Variants in FBXL20 observed in about 807,000 individuals in gnomAD.
The protein encoded by FBXL20 is F-box/LRR-repeat protein 20.
In FBXL20, 11 loss-of-function variants were observed where a neutral mutation model predicts 64.0. The observed-to-expected ratio is 0.17, with a 90% CI of 0.11 to 0.28. The LOEUF (loss-of-function observed/expected upper bound fraction) is 0.28, where lower values mean the gene tolerates loss of function less well. Ranked by LOEUF, FBXL20 falls within the 10% of genes least tolerant of loss-of-function variation. The pLI is 1.00. For synonymous variants in FBXL20, 184 were observed against 189.0 expected, an observed-to-expected ratio of 0.97 and a Z score of 0.22; for missense variants, 303 against 526.2, an observed-to-expected ratio of 0.58 and a Z score of 4.15.
At chr17:39,367,273 T>C (rs924869093) in intron 1 of FBXL20, among the ~76,000 whole-genome samples, 5 of 152,006 alleles carry the variant, frequency 3.3e-5, no homozygotes, top group Non-Finnish European at 7.4e-5. Context: ...CATTGTAGAA[T>C]TCCTATTAGT....
At chr17:39,376,067 C>T (rs181637386) in intron 1 of FBXL20, among the ~76,000 whole-genome samples, 27 of 152,104 alleles carry the variant, frequency 1.8e-4, no homozygotes, top group Middle Eastern at 3.4e-3. Context: ...TGCAATGAGC[C>T]GTGATTGCAC....
intron 1 of FBXL20, among the ~76,000 whole-genome samples, chr17:39,372,906 T>C (rs1472881583): frequency 6.6e-6 from 1 of 152,144 alleles, no homozygotes; most frequent in Non-Finnish European, 1.5e-5. Context: ...ATTACAGGCG[T>C]GAGCCACTGC....
intron 1 of FBXL20, among the ~76,000 whole-genome samples, chr17:39,375,200 T>C (rs1350815019): frequency 2.0e-5 from 3 of 152,138 alleles, no homozygotes; most frequent in African/African-American, 4.8e-5. Context: ...GGAGAAGACA[T>C]GGCCCAAGTA....
chr17:39,311,611 C>T (rs2047236255), intron 2 of FBXL20, among the ~76,000 whole-genome samples: 1 of 152,088 alleles, frequency 6.6e-6, no homozygotes, highest in South Asian at 2.1e-4. Context: ...ATATATACTT[C>T]CAATCTAGGT....
rs71369744 is a variant in FBXL20 at position 39,343,028 on chromosome 17, A to T, written c.104+152T>A. 2,395 of 474,488 alleles carry T rather than the reference A, an allele frequency of 5.0e-3. 60 individuals carry two copies. Among genetic ancestry groups the T allele is most frequent in the African/African-American group, 0.045 (2,232 of 49,580 alleles). The allele number at this position is 474,488 out of a possible 1,614,324, so 29.4% of individuals were successfully genotyped here. On this transcript the variant is annotated intron_variant, in intron 2 of 14. Transcript: ENST00000264658. The stretch of plus-strand genomic sequence containing the variant: ...GAAATATCTTGATTGACATCTAAAA[A>T]ATGCAGAGTAAGATTGTTCAAAGCA...
At chr17:39,333,288 G>GGCGC (rs1349410250) in intron 2 of FBXL20, among the ~76,000 whole-genome samples, 1 of 151,870 alleles carries the variant, frequency 6.6e-6, no homozygotes, top group Non-Finnish European at 1.5e-5. Flanking sequence ...TGGGATTGCA[G>GGCGC]GCGCGCGCCG....
chr17:39,359,704 G>A (rs1282023162), intron 1 of FBXL20, among the ~76,000 whole-genome samples: 1 of 152,028 alleles, frequency 6.6e-6, no homozygotes, highest in Non-Finnish European at 1.5e-5. Context: ...AATGGAAAAT[G>A]GTGTGGCTGC....
At position 39,253,837 on chromosome 17, in the gene FBXL20, G is replaced by C. The variant is rs984968391; in HGVS notation, c.*7623C>G. ...GAAAGAAAATTATTTGTCCACAGGG[G>C]AAAAAAGTAATCAAATCATGCCAGT... On this transcript the variant is annotated 3_prime_UTR_variant, in exon 15 of 15. Coordinates refer to ENST00000264658, the MANE Select transcript of FBXL20 (RefSeq NM_032875.3). 1 of 151,940 alleles carries C rather than the reference G, an allele frequency of 6.6e-6. No individual in the cohort carries two copies. Among genetic ancestry groups the C allele is most frequent in the African/African-American group, 2.4e-5 (1 of 41,436 alleles). 9.4% of individuals were successfully genotyped at this position (151,940 alleles called of 1,614,324 possible).
chr17:39,366,995 G>C (rs924836602), intron 1 of FBXL20, among the ~76,000 whole-genome samples: 3 of 150,756 alleles, frequency 2.0e-5, no homozygotes, highest in African/African-American at 7.3e-5. Context: ...CTATTCTGCT[G>C]CCTCAGCCTC....
At chr17:39,363,846 C>CAAAAAAAAAA (rs2047828545) in intron 1 of FBXL20, among the ~76,000 whole-genome samples, 3 of 70,708 alleles carry the variant, frequency 4.2e-5, no homozygotes, top group East Asian at 9.8e-4. Context: ...AAAAAAAAAA[C>CAAAAAAAAAA]AATAAAAAGT....
chr17:39,378,752 G>A (rs1597830428), intron 1 of FBXL20, among the ~76,000 whole-genome samples: 1 of 151,584 alleles, frequency 6.6e-6, no homozygotes, highest in Admixed American at 6.6e-5. Flanking sequence ...TGGGATTACA[G>A]GCGCCCACCA....
intron 12 of FBXL20, among the ~76,000 whole-genome samples, chr17:39,265,803 T>C (rs1291566074): frequency 6.6e-6 from 1 of 151,840 alleles, no homozygotes; most frequent in Admixed American, 6.6e-5. Context: ...GGCCACCATG[T>C]GCGATCACAG....
chr17:39,302,529 A>G (rs768534139), intron 3 of FBXL20, among the ~76,000 whole-genome samples: 1 of 152,044 alleles, frequency 6.6e-6, no homozygotes, highest in Non-Finnish European at 1.5e-5. Flanking sequence ...ATCCGCCTCC[A>G]TGCCTGGCTA....
intron 12 of FBXL20, among the ~76,000 whole-genome samples, chr17:39,266,748 T>C (rs1392540295): frequency 6.6e-6 from 1 of 152,272 alleles, no homozygotes; most frequent in East Asian, 1.9e-4. Flanking sequence ...TACCTGAACC[T>C]GTTCTATGAG....
Position 39,343,188 on chromosome 17 carries a change from G to T in FBXL20, c.96C>A (p.Leu32=). ...AVINKKLPKE[L]LLRIFSFLDV... is the part of the protein sequence containing the mutation. ...TTAGCATTCAGACTTACCGTAACAG[G>T]AGTTCTTTGGGAAGTTTTTTATTGA... Residue 32 remains leucine, a synonymous_variant, in exon 2 of 15, where the codon CTC becomes CTA. Coordinates refer to ENST00000264658, the MANE Select transcript of FBXL20 (RefSeq NM_032875.3). The T allele has an allele frequency of 6.2e-7, 1 of 1,602,108 alleles. No individual in the cohort carries two copies. The highest frequency in any genetic ancestry group is 8.5e-7 in the Non-Finnish European group (1 of 1,175,760).
At chr17:39,315,991 G>A (rs1288614798) in intron 2 of FBXL20, among the ~76,000 whole-genome samples, 3 of 152,150 alleles carry the variant, frequency 2.0e-5, no homozygotes, top group African/African-American at 7.2e-5. Context: ...GAAAGGCCAA[G>A]GTGGATCACT....
chr17:39,384,644 T>A (rs571387746), intron 1 of FBXL20, among the ~76,000 whole-genome samples: 5 of 152,156 alleles, frequency 3.3e-5, no homozygotes, highest in African/African-American at 1.2e-4. Flanking sequence ...TCTTGTTTGT[T>A]CATAAAATAT....
At chr17:39,328,534 G>A (rs2047431151) in intron 2 of FBXL20, among the ~76,000 whole-genome samples, 2 of 152,114 alleles carry the variant, frequency 1.3e-5, no homozygotes, top group African/African-American at 4.8e-5. Flanking sequence ...AGATAACAAT[G>A]CACTGAATAT....
At position 39,259,301 on chromosome 17, in the gene FBXL20, A is replaced by AAAAAT. The variant is rs1226146836; in HGVS notation, c.*2154_*2158dup. 4.2e-4 allele frequency: 64 copies of AAAAAT among 152,096 alleles called. No homozygotes were observed. The highest frequency in any genetic ancestry group is 1.4e-3 in the African/African-American group (59 of 41,510). 9.4% of individuals were successfully genotyped at this position (152,096 alleles called of 1,614,324 possible). On this transcript the variant is annotated 3_prime_UTR_variant, in exon 15 of 15. Coordinates refer to ENST00000264658, the MANE Select transcript of FBXL20 (RefSeq NM_032875.3). ...CAAGATAGCGAGACCCCATCTCTAA[A>AAAAAT]AAAATAAAATAAAATAAAATAAATA...
Sources: gnomAD v4.1 joint callset for allele counts (sites outside exome capture counted in the v4.1 genomes callset) on GRCh38, gnomAD v4.1.1 for gene constraint, MANE v1.5 for transcripts, NCBI Gene and HGNC (gene_info 2026-07-23, HGNC 2026-07-21) for gene names.